MOSPD2: variants seen among roughly 807,000 people sequenced by gnomAD.
MOSPD2 encodes the protein motile sperm domain containing 2.
In MOSPD2, 5 loss-of-function variants were observed where a neutral mutation model predicts 41.7. That is an observed-to-expected ratio of 0.12 (90% CI 0.06 to 0.25). The LOEUF (loss-of-function observed/expected upper bound fraction) is 0.25, where lower values mean the gene tolerates loss of function less well. Among genes scored for constraint, MOSPD2 ranks in the 10% least tolerant of loss-of-function variants. The probability of loss-of-function intolerance (pLI) is 1.00; values close to 1 mark genes in which losing one functional copy is unlikely to be tolerated. For synonymous variants in MOSPD2, 115 were observed against 126.9 expected (o/e 0.91, Z 0.63); for missense variants, 282 against 375.2 (o/e 0.75, Z 2.05).
chrX:14,877,437 G>C (rs1280430309), intron 2 of MOSPD2, among the ~76,000 whole-genome samples: 2 of 109,683 alleles, frequency 1.8e-5, no homozygotes, highest in East Asian at 5.8e-4. Flanking sequence ...CTGCCTCCCG[G>C]GTTCAAGCAA....
chrX:14,900,933 A>C (rs2092572033), intron 6 of MOSPD2, among the ~76,000 whole-genome samples: 1 of 111,918 alleles, frequency 8.9e-6, no homozygotes, highest in African/African-American at 3.2e-5. Context: ...ATTTATTTCA[A>C]AATTATCTCA....
chrX:14,910,147 T>C (rs756345102), intron 8 of MOSPD2, among the ~76,000 whole-genome samples: 1 of 106,201 alleles, frequency 9.4e-6, no homozygotes, highest in South Asian at 3.8e-4. Context: ...TTTTTAAGTA[T>C]TTTTTTTCAA....
At chrX:14,916,443 G>T in intron 13 of MOSPD2, 117 bp downstream of exon 13, 1 of 1,081,394 alleles carries the variant, frequency 9.2e-7, no homozygotes, top group Non-Finnish European at 1.2e-6. Context: ...GCCCTGCAAG[G>T]CTCTGGGGAT....
At position 14,919,729 on chromosome X, in the gene MOSPD2, T is replaced by A. The variant is rs1281917140; in HGVS notation, c.1477T>A (p.Trp493Arg). 8.3e-7 allele frequency: 1 copy of A among 1,211,213 alleles called. No homozygotes were observed. The highest frequency in any genetic ancestry group is 1.1e-6 in the Non-Finnish European group (1 of 894,985). The change falls in exon 15 of 15, where the codon TGG (tryptophan) becomes AGG (arginine). Residue 493 changes from tryptophan to arginine, a missense_variant. This residue lies in a region of MOSPD2 where 94 missense variants were observed against 102.1 expected (regional missense o/e 0.92). Transcript: ENST00000380492. ...KLEDQVQRCI[W>R]FQQLLLSLTM... The stretch of plus-strand genomic sequence containing the variant: ...TGAAGACCAAGTTCAGCGTTGTATC[T>A]GGTTCCAGCAGCTGCTGCTTTCCTT...
intron 3 of MOSPD2, among the ~76,000 whole-genome samples, chrX:14,893,773 A>G: frequency 8.8e-6 from 1 of 113,055 alleles, no homozygotes; most frequent in East Asian, 2.8e-4. Flanking sequence ...AATTTAACAA[A>G]TGTAGGTAAT....
chrX:14,903,812 T>A (rs1269400582), intron 7 of MOSPD2, among the ~76,000 whole-genome samples: 2 of 111,676 alleles, frequency 1.8e-5, no homozygotes, highest in African/African-American at 6.5e-5. Context: ...TATTAAAATC[T>A]GTAATGAAAG....
chrX:14,911,124 C>T, intron 8 of MOSPD2, 113 bp from the exon 9 acceptor site: 1 of 627,770 alleles, frequency 1.6e-6, no homozygotes, highest in Non-Finnish European at 2.4e-6. Context: ...TTTTAAATTT[C>T]ATGATCTAAT....
chrX:14,909,159 AT>A (rs1443060627), intron 8 of MOSPD2, among the ~76,000 whole-genome samples, 175 bp downstream of exon 8: 1 of 112,129 alleles, frequency 8.9e-6, no homozygotes, highest in Non-Finnish European at 1.9e-5. Flanking sequence ...TTAATTTTTT[AT>A]TTTTTAATAG....
chrX:14,920,785 A>G lies in MOSPD2; in HGVS notation c.*976A>G. ...TTAGTTGTTTGAGATGCTAAGCAGG[A>G]TAATAAATTTAGATTTTAAAATGTT... On this transcript the variant is annotated 3_prime_UTR_variant, in exon 15 of 15. Transcript: ENST00000380492. 1.3e-6 allele frequency: 1 copy of G among 753,861 alleles called. No homozygotes were observed. The highest frequency in any genetic ancestry group is 1.6e-6 in the Non-Finnish European group (1 of 638,968). 62.1% of individuals were successfully genotyped at this position (753,861 alleles called of 1,213,427 possible).
rs376112651 is a variant in MOSPD2 at position 14,897,268 on chromosome X, G to C, written c.477+30G>C. 7 of 1,137,581 alleles carry C rather than the reference G, an allele frequency of 6.2e-6. No individual in the cohort carries two copies. In the African/African-American group the frequency reaches 1.3e-4, roughly 20 times the overall value. 93.7% of individuals were successfully genotyped at this position (1,137,581 alleles called of 1,213,427 possible). On this transcript the variant is annotated intron_variant, in intron 5 of 14. Coordinates refer to ENST00000380492, the MANE Select transcript of MOSPD2 (RefSeq NM_152581.4). ...GCATTTTTTCATTCATTCCAAATCA[G>C]TGTTTATCATGGCTTCCTCCCTTTC...
intron 7 of MOSPD2, among the ~76,000 whole-genome samples, chrX:14,905,743 C>T (rs184681007): frequency 2.7e-5 from 3 of 110,877 alleles, no homozygotes; most frequent in Non-Finnish European, 3.8e-5. Context: ...CTGCCTGCCC[C>T]GCCCTCCCAA....
chrX:14,876,532 GC>G (rs1456806464), intron 2 of MOSPD2, among the ~76,000 whole-genome samples: 1 of 111,531 alleles, frequency 9.0e-6, no homozygotes, highest in Non-Finnish European at 1.9e-5. Flanking sequence ...TGAAGTATTA[GC>G]CCCTAATTAT....
In MOSPD2 at chrX:14,921,033, T is replaced by C; in HGVS notation, c.*1224T>C. The C allele has an allele frequency of 1.2e-5, 9 of 766,270 alleles. No individual in the cohort carries two copies. The highest frequency in any genetic ancestry group is 1.4e-5 in the Non-Finnish European group (9 of 647,408). The allele number at this position is 766,270 out of a possible 1,213,427, so 63.1% of individuals were successfully genotyped here. On this transcript the variant is annotated 3_prime_UTR_variant, in exon 15 of 15. Transcript: ENST00000380492. ...TATGGTAGTACCCACCCGGTATTCC[T>C]AAAATCCTAAAAAGATACACCTTGC...
chrX:14,900,223 C>A (rs749335892), intron 5 of MOSPD2, among the ~76,000 whole-genome samples: 2 of 111,828 alleles, frequency 1.8e-5, no homozygotes, highest in Admixed American at 1.9e-4. Flanking sequence ...TTCAATAATT[C>A]TTTAGTTATT....
chrX:14,884,585 G>T (rs6527074), intron 2 of MOSPD2, among the ~76,000 whole-genome samples: 6,223 of 111,276 alleles, frequency 0.056, 363 homozygotes, highest in African/African-American at 0.18. Flanking sequence ...ACAGCAGAAA[G>T]AATTCCAACT....
At chrX:14,875,200 G>A (rs1258383690) in intron 2 of MOSPD2, among the ~76,000 whole-genome samples, 2 of 112,397 alleles carry the variant, frequency 1.8e-5, no homozygotes, top group East Asian at 5.6e-4. Context: ...GCTAGGCCAG[G>A]ACTAGTGCTC....
At chrX:14,911,048 A>G (rs1218510090) in intron 8 of MOSPD2, among the ~76,000 whole-genome samples, 189 bp from the exon 9 acceptor site, 1 of 111,671 alleles carries the variant, frequency 9.0e-6, no homozygotes, top group Non-Finnish European at 1.9e-5. Flanking sequence ...TTCTGTATAG[A>G]TGGCTAGCCA....
At chrX:14,902,235 G>C (rs772144940) in intron 6 of MOSPD2, among the ~76,000 whole-genome samples, 2 of 111,171 alleles carry the variant, frequency 1.8e-5, no homozygotes, top group Non-Finnish European at 3.8e-5. Context: ...AACTCTAAGA[G>C]GTTCTCTGCT....
chrX:14,902,463 T>C (rs375152799), intron 6 of MOSPD2, among the ~76,000 whole-genome samples: 80 of 111,811 alleles, frequency 7.2e-4, no homozygotes, highest in African/African-American at 2.1e-3. Context: ...AATTTTTGTT[T>C]CTGAAAACGT....
Sources: allele counts gnomAD v4.1 joint callset (sites outside exome capture counted in the v4.1 genomes callset), GRCh38; gene constraint gnomAD v4.1.1; regional missense constraint gnomAD v4.1.1; transcripts MANE v1.5; gene names NCBI Gene and HGNC (gene_info 2026-07-23, HGNC 2026-07-21).